Variants in ACTR3C observed in about 807,000 individuals in gnomAD.
ACTR3C encodes actin related protein 3C.
A neutral mutation model predicts 26.3 loss-of-function variants in ACTR3C; 18 were observed. The observed-to-expected ratio is 0.68, with a 90% CI of 0.47 to 1.01. The LOEUF (loss-of-function observed/expected upper bound fraction) is 1.01. ACTR3C is among the 50% of genes least tolerant of loss of function. ACTR3C has a pLI of 0.00. For missense variants in ACTR3C, 184 were observed against 250.7 expected (o/e 0.73, Z 1.80); for synonymous variants, 55 against 94.5 (o/e 0.58, Z 2.42).
chr7:150,079,585 T>A, the ACTR3C span, among the ~76,000 whole-genome samples: 1 of 152,294 alleles, frequency 6.6e-6, no homozygotes, highest in South Asian at 2.1e-4. Flanking sequence ...GTTGGTGGAA[T>A]GATGCTATTC....
At chr7:150,171,674 AAAAT>A in the ACTR3C span, among the ~76,000 whole-genome samples, 2 of 150,558 alleles carry the variant, frequency 1.3e-5, no homozygotes, top group African/African-American at 5.0e-5. Context: ...AATAATGGAG[AAAAT>A]AAATAAAACC....
the ACTR3C span, among the ~76,000 whole-genome samples, chr7:149,928,046 G>A: frequency 1.3e-5 from 2 of 152,072 alleles, no homozygotes; most frequent in Non-Finnish European, 1.5e-5. Flanking sequence ...ACACATTACT[G>A]GTGAGAATGC....
intron 4 of ACTR3C, among the ~76,000 whole-genome samples, chr7:150,288,164 G>A (rs1478641258): frequency 1.4e-5 from 2 of 142,066 alleles, no homozygotes; most frequent in Admixed American, 6.8e-5. Flanking sequence ...CGGAGGCTAC[G>A]AACAGTCTCT....
the ACTR3C span, among the ~76,000 whole-genome samples, chr7:150,228,268 A>G: frequency 6.6e-6 from 1 of 152,242 alleles, no homozygotes; most frequent in African/African-American, 2.4e-5. Flanking sequence ...TGATGCCGTA[A>G]GTGGTGTTAT....
At chr7:149,999,344 T>G in the ACTR3C span, among the ~76,000 whole-genome samples, 1 of 150,856 alleles carries the variant, frequency 6.6e-6, no homozygotes, top group Non-Finnish European at 1.5e-5. Flanking sequence ...TGAAGCCCTG[T>G]CCAGGTATGC....
At chr7:149,910,778 T>C in the ACTR3C span, among the ~76,000 whole-genome samples, 2 of 152,150 alleles carry the variant, frequency 1.3e-5, no homozygotes, top group Non-Finnish European at 2.9e-5. Context: ...AATTTTTAAG[T>C]ATGGTTTACC....
At chr7:149,925,085 T>C in the ACTR3C span, among the ~76,000 whole-genome samples, 1 of 151,930 alleles carries the variant, frequency 6.6e-6, no homozygotes, top group African/African-American at 2.4e-5. Flanking sequence ...AATCTTCATA[T>C]ATTCAAGAAA....
At chr7:149,974,204 G>T in the ACTR3C span, among the ~76,000 whole-genome samples, 17 of 129,202 alleles carry the variant, frequency 1.3e-4, no homozygotes, top group African/African-American at 4.7e-4. Flanking sequence ...TCAAGATATT[G>T]TTGCCAATTA....
chr7:150,103,693 A>C, the ACTR3C span, among the ~76,000 whole-genome samples: 1 of 151,912 alleles, frequency 6.6e-6, no homozygotes, highest in South Asian at 2.1e-4. Context: ...CAGAGACAAT[A>C]TTACCTTCCA....
the ACTR3C span, among the ~76,000 whole-genome samples, chr7:150,033,856 C>A: frequency 6.9e-6 from 1 of 144,106 alleles, no homozygotes; most frequent in Admixed American, 6.8e-5. Context: ...CCGCCCCCAG[C>A]GATGGGGATC....
chr7:149,996,237 G>A, the ACTR3C span, among the ~76,000 whole-genome samples: 1 of 152,008 alleles, frequency 6.6e-6, no homozygotes, highest in Admixed American at 6.6e-5. Flanking sequence ...GTAAAGGAGG[G>A]GAGGGAGGAG....
At chr7:149,896,923 T>C in the ACTR3C span, among the ~76,000 whole-genome samples, 2 of 151,714 alleles carry the variant, frequency 1.3e-5, no homozygotes, top group Non-Finnish European at 2.9e-5. Flanking sequence ...TAGCCAGGCA[T>C]GGGGGCAGGC....
At chr7:149,992,361 G>C in the ACTR3C span, among the ~76,000 whole-genome samples, 9 of 152,310 alleles carry the variant, frequency 5.9e-5, no homozygotes, top group African/African-American at 2.2e-4. Flanking sequence ...TTCCACCATG[G>C]GCACTGGCCC....
chr7:150,244,041 T>C (rs1832331982), downstream of ACTR3C: 1 of 151,872 alleles, frequency 6.6e-6, no homozygotes, highest in Admixed American at 6.6e-5. Context: ...TGTATTCTTG[T>C]AGGTGATGTA....
At chr7:150,276,839 A>G (rs190455798) in intron 6 of ACTR3C, among the ~76,000 whole-genome samples, 4,552 of 152,186 alleles carry the variant, frequency 0.03, 109 homozygotes, top group Non-Finnish European at 0.047. Flanking sequence ...CCTGGCTTCT[A>G]GAGTTTTCTT....
chr7:150,058,365 C>A, the ACTR3C span, among the ~76,000 whole-genome samples: 2 of 152,172 alleles, frequency 1.3e-5, no homozygotes, highest in Non-Finnish European at 2.9e-5. Flanking sequence ...TGGTTGCCCC[C>A]GTGCTGCACC....
At chr7:150,238,431 G>A in the ACTR3C span, among the ~76,000 whole-genome samples, 5 of 128,170 alleles carry the variant, frequency 3.9e-5, no homozygotes, top group African/African-American at 1.7e-4. Context: ...GAGTACAAGA[G>A]CTATGAATTT....
chr7:149,926,546 G>T, the ACTR3C span, among the ~76,000 whole-genome samples: 1 of 152,200 alleles, frequency 6.6e-6, no homozygotes, highest in Non-Finnish European at 1.5e-5. Context: ...GAGTCTCTGA[G>T]GAGCTTCCCT....
At chr7:149,900,881 A>G in the ACTR3C span, among the ~76,000 whole-genome samples, 54 of 152,092 alleles carry the variant, frequency 3.6e-4, 1 homozygote, top group South Asian at 0.01. Flanking sequence ...AAAAATACAA[A>G]AATTAGCCGG....
Sources: gnomAD v4.1 joint callset for allele counts (sites outside exome capture counted in the v4.1 genomes callset) on GRCh38, gnomAD v4.1.1 for gene constraint, MANE v1.5 for transcripts, NCBI Gene and HGNC (gene_info 2026-07-23, HGNC 2026-07-21) for gene names.